Variants in FAM117A observed in about 807,000 individuals in gnomAD.
FAM117A encodes protein FAM117A.
In FAM117A, 21 loss-of-function variants were observed where a neutral mutation model predicts 44.1. The ratio of observed to expected loss-of-function variants is 0.48; its 90% CI spans 0.34 to 0.69. The LOEUF (loss-of-function observed/expected upper bound fraction) is 0.69. Ranked by LOEUF, FAM117A falls within the 30% of genes least tolerant of loss-of-function variation. FAM117A has a pLI of 0.01. For missense variants in FAM117A, 498 were observed against 589.9 expected, an observed-to-expected ratio of 0.84 and a Z score of 1.61; for synonymous variants, 220 against 238.3, an observed-to-expected ratio of 0.92 and a Z score of 0.71.
intron 1 of FAM117A, among the ~76,000 whole-genome samples, chr17:49,760,338 T>C (rs2143783250): frequency 6.6e-6 from 1 of 151,938 alleles, no homozygotes; most frequent in African/African-American, 2.4e-5. Flanking sequence ...GAGACAAGAG[T>C]TGGCAAACTT....
intron 1 of FAM117A, among the ~76,000 whole-genome samples, chr17:49,749,968 A>G (rs2073669780): frequency 6.7e-6 from 1 of 148,860 alleles, no homozygotes; most frequent in Admixed American, 6.7e-5. Context: ...CAGTTGTTCC[A>G]TCTGTTAAAT....
Position 49,711,139 on chromosome 17 carries a change from A to C in FAM117A, c.*116T>G. Reference sequence around the variant, plus strand: ...GGGCTTTGACACAGTAAGTGAAAGAAAGTGCTCGAAGGCCGAGAGGGAAGG... The same window carrying C: ...GGGCTTTGACACAGTAAGTGAAAGACAGTGCTCGAAGGCCGAGAGGGAAGG... On this transcript the variant is annotated 3_prime_UTR_variant, in exon 8 of 8. Coordinates refer to ENST00000240364, the MANE Select transcript of FAM117A (RefSeq NM_030802.4). 2 of 1,019,644 alleles carry C rather than the reference A, an allele frequency of 2.0e-6. No homozygotes were observed. The highest frequency in any genetic ancestry group is 2.8e-6 in the Non-Finnish European group (2 of 714,590). The allele number at this position is 1,019,644 out of a possible 1,614,324, so 63.2% of individuals were successfully genotyped here.
At chr17:49,722,659 C>T in intron 2 of FAM117A, 65 bp from the exon 3 acceptor site, 2 of 1,352,116 alleles carry the variant, frequency 1.5e-6, no homozygotes, top group South Asian at 2.4e-5. Context: ...AACAGGCACA[C>T]TGTTTTCTGG....
chr17:49,777,284 A>C (rs1052805156), intron 1 of FAM117A, among the ~76,000 whole-genome samples: 2 of 152,188 alleles, frequency 1.3e-5, no homozygotes, highest in Non-Finnish European at 2.9e-5. Context: ...AGGGGTGGGA[A>C]GCAAAGAGGG....
chr17:49,728,668 G>T (rs1279218130), intron 2 of FAM117A, among the ~76,000 whole-genome samples: 1 of 152,120 alleles, frequency 6.6e-6, no homozygotes, highest in Non-Finnish European at 1.5e-5. Flanking sequence ...AGACTCAAAG[G>T]TTTGCACAGC....
rs115203716 is a variant in FAM117A at position 49,717,583 on chromosome 17, A to T, written c.840T>A (p.Pro280=). The T allele has an allele frequency of 1.2e-6, 2 of 1,614,154 alleles. No individual in the cohort carries two copies. Among genetic ancestry groups the T allele is most frequent in the Non-Finnish European group, 1.7e-6 (2 of 1,180,010 alleles). ...GTTCCTCATGACTGGCCAGGCCACA[A>T]GGCTGGGGAGATGCCAAGGACATGG... is the stretch of plus-strand genomic sequence containing the variant. ...SPSMSLASPQ[P]CGLASHEEHR... is the part of the protein sequence containing the mutation. The change falls in exon 6 of 8, where the codon CCT becomes CCA. Residue 280 remains proline, a synonymous_variant. Coordinates refer to ENST00000240364, the MANE Select transcript of FAM117A (RefSeq NM_030802.4).
At chr17:49,756,239 G>C (rs1790731597) in intron 1 of FAM117A, among the ~76,000 whole-genome samples, 1 of 151,978 alleles carries the variant, frequency 6.6e-6, no homozygotes. Context: ...CAAACACTGA[G>C]TATTTCTTCA....
intron 1 of FAM117A, among the ~76,000 whole-genome samples, chr17:49,777,382 C>A (rs1011187790): frequency 7.2e-5 from 11 of 152,066 alleles, no homozygotes; most frequent in African/African-American, 2.7e-4. Context: ...TCCTTCAGAC[C>A]CAGCTTTGGG....
intron 3 of FAM117A, among the ~76,000 whole-genome samples, chr17:49,721,596 A>G (rs966964016): frequency 1.3e-5 from 2 of 152,216 alleles, no homozygotes; most frequent in Non-Finnish European, 2.9e-5. Flanking sequence ...CCTCTTGTAA[A>G]GGCGTGCAGG....
intron 2 of FAM117A, among the ~76,000 whole-genome samples, chr17:49,724,836 A>G (rs1052540783): frequency 3.0e-4 from 45 of 151,270 alleles, no homozygotes; most frequent in African/African-American, 8.5e-4. Context: ...AAAAAAAAAA[A>G]AAAGAAAGAA....
chr17:49,781,067 T>C (rs1327914590), intron 1 of FAM117A, among the ~76,000 whole-genome samples: 2 of 151,382 alleles, frequency 1.3e-5, no homozygotes, highest in East Asian at 3.9e-4. Flanking sequence ...TACCCAACCT[T>C]GGCCTCCCAA....
At chr17:49,772,904 G>A (rs1425833192) in intron 1 of FAM117A, among the ~76,000 whole-genome samples, 2 of 152,326 alleles carry the variant, frequency 1.3e-5, no homozygotes, top group East Asian at 3.9e-4. Flanking sequence ...AGGCGCGGTG[G>A]CTCATGCCTG....
intron 1 of FAM117A, among the ~76,000 whole-genome samples, chr17:49,745,855 T>C (rs1185857023): frequency 6.6e-6 from 1 of 152,214 alleles, no homozygotes; most frequent in Non-Finnish European, 1.5e-5. Context: ...AAGGGGACTT[T>C]GGCTGGGTTC....
chr17:49,717,740 G>A (rs1162940761), intron 5 of FAM117A, 26 bp from the exon 6 acceptor site: 1 of 1,562,970 alleles, frequency 6.4e-7, no homozygotes, highest in Non-Finnish European at 8.7e-7. Context: ...GGTAAAGACT[G>A]TCAGCCCTGA....
chr17:49,735,220 C>T (rs1339561771), intron 1 of FAM117A, among the ~76,000 whole-genome samples: 1 of 152,046 alleles, frequency 6.6e-6, no homozygotes, highest in East Asian at 1.9e-4. Context: ...GGTGAAACCT[C>T]ATCTACTAAA....
chr17:49,731,783 TTTTA>T (rs1048958185), intron 2 of FAM117A, among the ~76,000 whole-genome samples: 13 of 151,184 alleles, frequency 8.6e-5, no homozygotes, highest in Admixed American at 2.0e-4. Flanking sequence ...AAATCTCATT[TTTTA>T]TTTTTTTTAT....
At chr17:49,761,044 T>G (rs942535385) in intron 1 of FAM117A, among the ~76,000 whole-genome samples, 1 of 152,206 alleles carries the variant, frequency 6.6e-6, no homozygotes, top group Non-Finnish European at 1.5e-5. Flanking sequence ...AATCCTGCTC[T>G]TTACACCATA....
At chr17:49,726,912 G>A (rs1289811113) in intron 2 of FAM117A, among the ~76,000 whole-genome samples, 2 of 151,918 alleles carry the variant, frequency 1.3e-5, no homozygotes, top group Non-Finnish European at 2.9e-5. Context: ...CCCAGAGTTC[G>A]AGGCTGCAGT....
At chr17:49,767,796 C>T (rs2073749578), upstream of FAM117A, among the ~76,000 whole-genome samples, 1 of 151,930 alleles carries the variant, frequency 6.6e-6, no homozygotes. Flanking sequence ...CCCAGCTACT[C>T]GGGAGGCTGA....
Sources: gnomAD v4.1 joint callset for allele counts (sites outside exome capture counted in the v4.1 genomes callset) on GRCh38, gnomAD v4.1.1 for gene constraint, MANE v1.5 for transcripts, NCBI Gene and HGNC (gene_info 2026-07-23, HGNC 2026-07-21) for gene names.